Variants in OCA2 observed in about 807,000 individuals in gnomAD.
OCA2 encodes OCA2 melanosomal transmembrane protein, also known as P protein.
Under a neutral mutation model 100.2 loss-of-function variants are expected in OCA2, and 77 were observed. The ratio of observed to expected loss-of-function variants is 0.77; its 90% CI spans 0.64 to 0.93. OCA2 has a LOEUF of 0.93. Among genes scored for constraint, OCA2 ranks in the 40% least tolerant of loss-of-function variants. The pLI is 0.00. For missense variants in OCA2, 1,062 were observed against 1,089.1 expected, an observed-to-expected ratio of 0.98 and a Z score of 0.35; for synonymous variants, 432 against 439.2, an observed-to-expected ratio of 0.98 and a Z score of 0.21.
chr15:27,816,773 CCT>C (rs1195938281), intron 23 of OCA2, among the ~76,000 whole-genome samples: 7 of 152,112 alleles, frequency 4.6e-5, no homozygotes, highest in Non-Finnish European at 1.0e-4. Flanking sequence ...CTGGAGCCAC[CCT>C]CTGTTTCCTG....
At chr15:27,881,219 C>T (rs1278999272) in intron 19 of OCA2, among the ~76,000 whole-genome samples, 1 of 152,144 alleles carries the variant, frequency 6.6e-6, no homozygotes, top group Admixed American at 6.5e-5. Context: ...CCGACTTGAT[C>T]GTGGTGGATA....
intron 23 of OCA2, among the ~76,000 whole-genome samples, chr15:27,809,022 A>G (rs1175102539): frequency 6.6e-6 from 1 of 152,062 alleles, no homozygotes; most frequent in African/African-American, 2.4e-5. Context: ...TGTCCTCCAC[A>G]CCATTAGCTC....
intron 18 of OCA2, among the ~76,000 whole-genome samples, chr15:27,932,735 A>T (rs1370042122): frequency 6.6e-6 from 1 of 152,214 alleles, no homozygotes; most frequent in Non-Finnish European, 1.5e-5. Flanking sequence ...GTGTCAAAAC[A>T]CTAGCCGAAC....
chr15:28,045,499 A>G (rs1364689911), intron 2 of OCA2, among the ~76,000 whole-genome samples: 1 of 152,202 alleles, frequency 6.6e-6, no homozygotes, highest in Non-Finnish European at 1.5e-5. Flanking sequence ...AATGATAAGA[A>G]GGAATGTGTA....
At chr15:27,994,832 A>G (rs1260770438) in intron 9 of OCA2, among the ~76,000 whole-genome samples, 1 of 152,178 alleles carries the variant, frequency 6.6e-6, no homozygotes, top group Non-Finnish European at 1.5e-5. Flanking sequence ...CTGCCCCTCC[A>G]TAGTCACACA....
chr15:28,006,898 C>G (rs2042106194), intron 9 of OCA2, among the ~76,000 whole-genome samples: 1 of 152,226 alleles, frequency 6.6e-6, no homozygotes. Flanking sequence ...CAGCTCTTCT[C>G]TCTCCAAATA....
intron 2 of OCA2, among the ~76,000 whole-genome samples, chr15:28,054,048 ATG>A (rs2043603264): frequency 2.6e-5 from 4 of 152,130 alleles, no homozygotes; most frequent in Admixed American, 2.6e-4. Context: ...AAATATGTGC[ATG>A]TATATATGTG....
chr15:27,885,810 G>A (rs754313383), intron 19 of OCA2, among the ~76,000 whole-genome samples: 1 of 152,184 alleles, frequency 6.6e-6, no homozygotes, highest in Non-Finnish European at 1.5e-5. Context: ...ATGCCACAGT[G>A]ACCAAGATAG....
At chr15:27,898,653 A>T (rs1460696275) in intron 19 of OCA2, among the ~76,000 whole-genome samples, 1 of 152,228 alleles carries the variant, frequency 6.6e-6, no homozygotes, top group African/African-American at 2.4e-5. Flanking sequence ...ATTATGGATC[A>T]TATGGTAGGT....
intron 23 of OCA2, among the ~76,000 whole-genome samples, chr15:27,763,500 T>A (rs1227087665): frequency 6.6e-6 from 1 of 152,192 alleles, no homozygotes; most frequent in East Asian, 1.9e-4. Flanking sequence ...AAGAGACATT[T>A]CACTGAAGCT....
At position 28,057,319 on chromosome 15, in the gene OCA2, A is replaced by G. The variant is rs558557364; in HGVS notation, c.227+24329T>C. 1.4e-4 allele frequency among the ~76,000 whole-genome samples: 22 copies of G among 152,332 alleles called. No individual in the cohort carries two copies. In the South Asian group the frequency reaches 3.3e-3, roughly 23 times the overall value. On this transcript the variant is annotated intron_variant, in intron 2 of 23. Coordinates refer to ENST00000354638, the MANE Select transcript of OCA2 (RefSeq NM_000275.3). ...GGCAACCTACAGGAGCTAGAATCCAATGCTCATGGAAATCAACTCTATGAA... is the reference window on the plus strand; with the variant it reads ...GGCAACCTACAGGAGCTAGAATCCAGTGCTCATGGAAATCAACTCTATGAA...
At chr15:27,881,476 A>G (rs2037012992) in intron 19 of OCA2, among the ~76,000 whole-genome samples, 1 of 152,170 alleles carries the variant, frequency 6.6e-6, no homozygotes, top group Non-Finnish European at 1.5e-5. Flanking sequence ...GAATTCAGCT[A>G]TAAATCCTCT....
intron 19 of OCA2, among the ~76,000 whole-genome samples, chr15:27,872,691 ATT>A (rs10572418): frequency 0.016 from 2,349 of 142,446 alleles, 51 homozygotes; most frequent in African/African-American, 0.053. Flanking sequence ...TAATTTTTTA[ATT>A]TTTTTTTTTT....
intron 19 of OCA2, chr15:27,896,158 G>A (rs2594895): frequency 0.37 from 355,236 of 947,548 alleles, 77,290 homozygotes; most frequent in African/African-American, 0.68. Flanking sequence ...ACTACCAGTG[G>A]CAATGAAGTT....
intron 21 of OCA2, among the ~76,000 whole-genome samples, chr15:27,860,770 CATGTCTTTTTGGTAGA>C (rs1239350375): frequency 1.3e-5 from 2 of 152,170 alleles, no homozygotes; most frequent in African/African-American, 4.8e-5. Flanking sequence ...CGCAAGGGCA[CATGTCTTTTTGGTAGA>C]ATGATTCCAT....
chr15:27,816,800 A>G (rs1198732104), intron 23 of OCA2, among the ~76,000 whole-genome samples: 1 of 152,100 alleles, frequency 6.6e-6, no homozygotes, highest in Non-Finnish European at 1.5e-5. Flanking sequence ...GACGTGGCCT[A>G]TAGGAGCAGG....
At chr15:27,737,808 G>A in the OCA2 span, among the ~76,000 whole-genome samples, 233 of 152,272 alleles carry the variant, frequency 1.5e-3, 2 homozygotes, top group African/African-American at 5.3e-3. Context: ...TAACAAGGCA[G>A]TCATTGATCC....
At chr15:27,743,947 C>T in the OCA2 span, among the ~76,000 whole-genome samples, 6 of 152,184 alleles carry the variant, frequency 3.9e-5, no homozygotes, top group African/African-American at 1.4e-4. Context: ...CAGCTGCTCC[C>T]TGGCCACAAA....
intron 18 of OCA2, among the ~76,000 whole-genome samples, chr15:27,928,041 C>A (rs1227843771): frequency 6.6e-6 from 1 of 152,102 alleles, no homozygotes; most frequent in Non-Finnish European, 1.5e-5. Context: ...ATCCACCCAC[C>A]TTGACTTCCC....
Sources: gnomAD v4.1 joint callset for allele counts (sites outside exome capture counted in the v4.1 genomes callset) on GRCh38, gnomAD v4.1.1 for gene constraint, MANE v1.5 for transcripts, NCBI Gene and HGNC (gene_info 2026-07-23, HGNC 2026-07-21) for gene names.